The following LARP1B variants were observed in gnomAD, a reference collection of about 807,000 sequenced individuals.
The protein encoded by LARP1B is La ribonucleoprotein 1B.
A neutral mutation model predicts 114.2 loss-of-function variants in LARP1B; 76 were observed. The ratio of observed to expected loss-of-function variants is 0.67; its 90% confidence interval spans 0.55 to 0.81. The LOEUF (loss-of-function observed/expected upper bound fraction) is 0.81, where lower values mean the gene tolerates loss of function less well. Among genes scored for constraint, LARP1B ranks in the 30% least tolerant of loss-of-function variants. The probability of loss-of-function intolerance (pLI) is 0.00; values close to 1 mark genes in which losing one functional copy is unlikely to be tolerated. For synonymous variants in LARP1B, 345 were observed against 348.0 expected (o/e 0.99, Z 0.10); for missense variants, 1,014 against 1,075.8 (o/e 0.94, Z 0.80).
Position 128,069,299 on chromosome 4 carries a change from A to G in LARP1B, c.-77-5161A>G, listed in dbSNP as rs145859110. 7.7e-3 allele frequency: 6,584 copies of G among 857,394 alleles called. 48 individuals carry two copies. Among genetic ancestry groups the G allele is most frequent in the Non-Finnish European group, 8.1e-3 (4,083 of 504,288 alleles). The allele number at this position is 857,394 out of a possible 1,614,324, so 53.1% of individuals were successfully genotyped here. A position where few individuals can be genotyped will look rare whatever the true frequency, so the allele number is the denominator to read the frequency against. On this transcript the variant is annotated intron_variant, in intron 1 of 19. Coordinates refer to ENST00000326639, the MANE Select transcript of LARP1B (RefSeq NM_018078.4). ...GAGAATTCAGGACTTTTAGAGCCCC[A>G]CAGTGGCATCCAGCTTGCCGCTTTG...
intron 15 of LARP1B, among the ~76,000 whole-genome samples, chr4:128,180,102 G>A (rs1050307361): frequency 6.6e-6 from 1 of 151,998 alleles, no homozygotes; most frequent in Non-Finnish European, 1.5e-5. Flanking sequence ...TTTATTGCTC[G>A]TTGCTTTGTG....
At chr4:128,167,837 A>G (rs1741809922) in intron 12 of LARP1B, among the ~76,000 whole-genome samples, 1 of 151,958 alleles carries the variant, frequency 6.6e-6, no homozygotes, top group South Asian at 2.1e-4. Flanking sequence ...TTCTATCCCT[A>G]TAGTTTTGCC....
rs1019190611 is a variant in LARP1B, at chr4:128,155,463, G to C, written c.1525-6731G>C. On this transcript the variant is annotated intron_variant, in intron 11 of 19. Transcript: ENST00000326639. ...GTATGGCGACCCCGCGCAGCCCCCC[G>C]GCCGCAGTGCAGGCAGCCCAGCAGA... 3.0e-5 allele frequency: 23 copies of C among 755,768 alleles called. No homozygotes were observed. In the African/African-American group the frequency reaches 3.4e-4, roughly 11 times the overall value. The allele number at this position is 755,768 out of a possible 1,614,324, so 46.8% of individuals were successfully genotyped here.
chr4:128,165,892 A>C (rs906074756), intron 12 of LARP1B, among the ~76,000 whole-genome samples: 1 of 151,982 alleles, frequency 6.6e-6, no homozygotes, highest in African/African-American at 2.4e-5. Context: ...TAACTTCTAA[A>C]ATTTGGAAGC....
chr4:128,148,326 G>T (rs994926924), intron 11 of LARP1B, among the ~76,000 whole-genome samples: 1 of 152,022 alleles, frequency 6.6e-6, no homozygotes. Context: ...AGCTACTTGG[G>T]AGGTTGAGGC....
intron 12 of LARP1B, among the ~76,000 whole-genome samples, chr4:128,162,938 G>A (rs967439917): frequency 6.6e-6 from 1 of 152,014 alleles, no homozygotes; most frequent in Non-Finnish European, 1.5e-5. Flanking sequence ...TCAATCACAT[G>A]ATTCATATTT....
At chr4:128,110,126 A>T (rs1783533452) in intron 9 of LARP1B, among the ~76,000 whole-genome samples, 1 of 151,670 alleles carries the variant, frequency 6.6e-6, no homozygotes, top group Admixed American at 6.6e-5. Context: ...CTTGTCTCGA[A>T]CTCCTGACCT....
chr4:128,082,293 A>G lies in LARP1B; in HGVS notation c.346A>G (p.Asn116Asp). The G allele has an allele frequency of 6.2e-7, 1 of 1,613,812 alleles. No homozygotes were observed. Among genetic ancestry groups the G allele is most frequent in the Non-Finnish European group, 8.5e-7 (1 of 1,179,856 alleles). ...TAAACCAACACATAACAATAGGAGA[A>G]ATGATACACGAAGTAAGTTACCATT... is the stretch of plus-strand genomic sequence containing the variant. The part of the protein sequence containing the change: ...ANKPTHNNRR[N>D]DTRSWKRDRE... The change falls in exon 5 of 20, where the codon AAT becomes GAT. Residue 116 changes from asparagine to aspartate, a missense_variant. By Grantham distance (23) the Asn-to-Asp change is conservative. Transcript: ENST00000326639.
At chr4:128,131,051 A>T (rs1791413367) in intron 11 of LARP1B, among the ~76,000 whole-genome samples, 1 of 152,202 alleles carries the variant, frequency 6.6e-6, no homozygotes, top group Admixed American at 6.5e-5. Context: ...TGGACAGAGC[A>T]CAGGTTTTTT....
chr4:128,091,083 C>T lies in LARP1B; in HGVS notation c.441C>T (p.Ser147=), dbSNP rs1775744393. 1 of 1,613,688 alleles carries T rather than the reference C, an allele frequency of 6.2e-7. No individual in the cohort carries two copies. Among genetic ancestry groups the T allele is most frequent in the African/African-American group, 1.3e-5 (1 of 74,886 alleles). The change falls in exon 6 of 20, where the codon TCC becomes TCT. Residue 147 remains serine (S), a synonymous_variant. Transcript: ENST00000326639. Reference sequence around the variant, plus strand: ...GTGAGGGTGGTAATATCCGAGGTTCCTTTAGAGGTCGAGGAAGAGGCCGAG... The same window carrying T: ...GTGAGGGTGGTAATATCCGAGGTTCTTTTAGAGGTCGAGGAAGAGGCCGAG... ...VRSEGGNIRG[S]FRGRGRGRGR...
chr4:128,083,065 T>C (rs1296506955), intron 5 of LARP1B, among the ~76,000 whole-genome samples: 2 of 152,092 alleles, frequency 1.3e-5, no homozygotes, highest in Non-Finnish European at 1.5e-5. Flanking sequence ...AAACACATCT[T>C]GCACCGCCCT....
chr4:128,211,739 T>G lies in LARP1B; in HGVS notation c.*1686T>G. The G allele has an allele frequency of 1.0e-6, 1 of 970,608 alleles. No individual in the cohort carries two copies. Among genetic ancestry groups the G allele is most frequent in the Non-Finnish European group, 1.2e-6 (1 of 816,448 alleles). 60.1% of individuals were successfully genotyped at this position (970,608 alleles called of 1,614,324 possible). On this transcript the variant is annotated 3_prime_UTR_variant, in exon 20 of 20. Coordinates refer to ENST00000326639, the MANE Select transcript of LARP1B (RefSeq NM_018078.4). ...CATAAATTTTTCTCAGTGTCCTTTT[T>G]GTGTTGAACACATATATCTGAAACC...
At chr4:128,099,921 T>C (rs1464599206) in intron 8 of LARP1B, among the ~76,000 whole-genome samples, 2 of 152,144 alleles carry the variant, frequency 1.3e-5, no homozygotes, top group African/African-American at 4.8e-5. Flanking sequence ...GTTTTTTGAA[T>C]AATAGATATA....
chr4:128,188,044 C>T (rs1277563608), intron 15 of LARP1B, among the ~76,000 whole-genome samples: 1 of 151,944 alleles, frequency 6.6e-6, no homozygotes, highest in East Asian at 1.9e-4. Flanking sequence ...CCAATTAAAC[C>T]TCTTTCCTCT....
intron 15 of LARP1B, among the ~76,000 whole-genome samples, chr4:128,199,083 C>T (rs1428587150): frequency 6.6e-6 from 1 of 152,190 alleles, no homozygotes; most frequent in Non-Finnish European, 1.5e-5. Flanking sequence ...ATTTACATCA[C>T]TAACCTAAAT....
chr4:128,061,713 T>G lies in LARP1B; in HGVS notation c.-78+312T>G, dbSNP rs973637382. On this transcript the variant is annotated intron_variant, in intron 1 of 19. Transcript: ENST00000326639. ...GGGACGATGTCTACTCGCGCCCCGA[T>G]GCCCGCCGCCCATTCTCGGGAGGAT... The G allele has an allele frequency of 3.0e-6, 3 of 984,910 alleles. 1 individual carries two copies. The African/African-American group carries it at 5.2e-5, about 17-fold the overall frequency. 61.0% of individuals were successfully genotyped at this position (984,910 alleles called of 1,614,324 possible).
chr4:128,220,480 T>G, intron 7 of LARP1B: 1 of 239,032 alleles, frequency 4.2e-6, no homozygotes, highest in Non-Finnish European at 6.8e-6. Flanking sequence ...TACTCCATCT[T>G]GTGGTGATAT....
chr4:128,129,902 A>G (rs1791024455), intron 11 of LARP1B, among the ~76,000 whole-genome samples: 1 of 152,260 alleles, frequency 6.6e-6, no homozygotes, highest in African/African-American at 2.4e-5. Flanking sequence ...AGACAAAACC[A>G]TAAACGTCCT....
At position 128,210,019 on chromosome 4, in the gene LARP1B, A is replaced by G. The variant is rs370066627; in HGVS notation, c.2711A>G (p.Asn904Ser). 22 of 1,614,022 alleles carry G rather than the reference A, an allele frequency of 1.4e-5. No individual in the cohort carries two copies. The highest frequency in any genetic ancestry group is 6.7e-5 in the African/African-American group (5 of 74,936). ...GTACCAATAAACTCTCCCAGAAGGA[A>G]TATTTCACCGGAGTCCAGTGACAAT... ...LQVPINSPRR[N>S]ISPESSDNSH is the part of the protein sequence containing the mutation. The change falls in exon 20 of 20, where the codon AAT becomes AGT. Residue 904 changes from asparagine (N) to serine (S), a missense_variant. Physicochemically the swap from Asn to Ser is conservative, Grantham distance 46. Transcript: ENST00000326639.
Sources: gnomAD v4.1 joint callset for allele counts (sites outside exome capture counted in the v4.1 genomes callset) on GRCh38, gnomAD v4.1.1 for gene constraint, MANE v1.5 for transcripts, NCBI Gene and HGNC (gene_info 2026-07-23, HGNC 2026-07-21) for gene names.